NKAIN3: variants seen among roughly 807,000 people sequenced by gnomAD.
The protein encoded by NKAIN3 is sodium/potassium-transporting ATPase subunit beta-1-interacting protein 3.
Under a neutral mutation model 30.2 loss-of-function variants are expected in NKAIN3, and 25 were observed. The ratio of observed to expected loss-of-function variants is 0.83; its 90% confidence interval spans 0.60 to 1.16. NKAIN3 has a LOEUF of 1.16. Ranked by LOEUF, NKAIN3 falls within the 50% of genes most tolerant of loss-of-function variation. The pLI is 0.00. For synonymous variants in NKAIN3, 91 were observed against 89.6 expected (o/e 1.02, Z -0.09); for missense variants, 225 against 254.1 (o/e 0.89, Z 0.78).
chr8:62,654,091 C>T (rs546589623), intron 3 of NKAIN3, among the ~76,000 whole-genome samples: 46 of 151,932 alleles, frequency 3.0e-4, no homozygotes, highest in African/African-American at 1.0e-3. Flanking sequence ...GTCTAGGGGA[C>T]TCCTATCACT....
chr8:62,450,141 T>C (rs1044831653), intron 1 of NKAIN3, among the ~76,000 whole-genome samples: 5 of 152,182 alleles, frequency 3.3e-5, no homozygotes, highest in Non-Finnish European at 5.9e-5. Flanking sequence ...ATCAAAATTA[T>C]GTGAGAATGA....
intron 5 of NKAIN3, among the ~76,000 whole-genome samples, chr8:62,944,286 C>G (rs1823061970): frequency 1.3e-5 from 2 of 152,020 alleles, no homozygotes; most frequent in Admixed American, 1.3e-4. Flanking sequence ...ATGGCATACT[C>G]TGTTAATTAC....
At chr8:62,885,623 C>T (rs1821124051) in intron 4 of NKAIN3, among the ~76,000 whole-genome samples, 1 of 152,116 alleles carries the variant, frequency 6.6e-6, no homozygotes, top group Non-Finnish European at 1.5e-5. Context: ...TTTCTCTTTG[C>T]TCTTCTATCA....
intron 4 of NKAIN3, among the ~76,000 whole-genome samples, chr8:62,803,503 C>G (rs1818151372): frequency 6.6e-6 from 1 of 152,086 alleles, no homozygotes; most frequent in Non-Finnish European, 1.5e-5. Flanking sequence ...AAAACCTGCT[C>G]CTGAATGACT....
chr8:62,404,211 G>A (rs1342255684), intron 1 of NKAIN3, among the ~76,000 whole-genome samples: 2 of 152,192 alleles, frequency 1.3e-5, no homozygotes, highest in Non-Finnish European at 2.9e-5. Context: ...CTCAAATGCA[G>A]AAGGAACTTG....
intron 1 of NKAIN3, among the ~76,000 whole-genome samples, chr8:62,443,609 C>A (rs1805397675): frequency 6.6e-6 from 1 of 152,046 alleles, no homozygotes; most frequent in Non-Finnish European, 1.5e-5. Flanking sequence ...TCTTGAACTC[C>A]TGGCCTCAAG....
chr8:62,972,400 T>G lies in NKAIN3; in HGVS notation c.*6993T>G, dbSNP rs1247036969. Among the ~76,000 whole-genome samples, 1 of 152,156 alleles carries G rather than the reference T, an allele frequency of 6.6e-6. No individual in the cohort carries two copies. ...GGGGGGCAAAATATGACTTTTTATT[T>G]TTATTTTTAACCACCAGATTGAGTA... is the stretch of plus-strand genomic sequence containing the variant. On this transcript the variant is annotated 3_prime_UTR_variant, in exon 7 of 7. Coordinates refer to ENST00000623646, the MANE Select transcript of NKAIN3 (RefSeq NM_001304533.3).
intron 4 of NKAIN3, chr8:62,855,638 G>A: frequency 6.2e-7 from 1 of 1,604,194 alleles, no homozygotes; most frequent in Non-Finnish European, 8.5e-7. Flanking sequence ...CAAGGCCAAG[G>A]CCTCCAGGTT....
At chr8:62,365,554 T>A (rs1447040892) in intron 1 of NKAIN3, among the ~76,000 whole-genome samples, 3 of 152,216 alleles carry the variant, frequency 2.0e-5, no homozygotes, top group Non-Finnish European at 4.4e-5. Context: ...ACATTTATGT[T>A]GTTTCTAATT....
chr8:62,492,850 A>G (rs1310646375), intron 1 of NKAIN3, among the ~76,000 whole-genome samples: 2 of 152,078 alleles, frequency 1.3e-5, no homozygotes, highest in Non-Finnish European at 2.9e-5. Context: ...TTCTTTCCAC[A>G]ATGGTTGAAC....
intron 1 of NKAIN3, among the ~76,000 whole-genome samples, chr8:62,435,478 A>C (rs1805140818): frequency 6.6e-6 from 1 of 152,172 alleles, no homozygotes; most frequent in Non-Finnish European, 1.5e-5. Flanking sequence ...ACTTAAGTAG[A>C]TATACGAAGC....
intron 3 of NKAIN3, among the ~76,000 whole-genome samples, chr8:62,646,575 T>C (rs542725545): frequency 1.4e-4 from 21 of 152,296 alleles, no homozygotes; most frequent in African/African-American, 4.8e-4. Context: ...AACCACTGTA[T>C]TTATCCACTT....
Position 62,412,321 on chromosome 8 carries a change from A to C in NKAIN3, c.54+163194A>C, listed in dbSNP as rs1034254100. Among the ~76,000 whole-genome samples, 10 of 151,490 alleles carry C rather than the reference A, an allele frequency of 6.6e-5. No individual in the cohort carries two copies. In the East Asian group the frequency reaches 1.2e-3, roughly 18 times the overall value. The stretch of plus-strand genomic sequence containing the variant: ...TGACAAACAAAAACAAACAAACAAA[A>C]AAAAACAGTGGGGAAAGGTCTTCCT... On this transcript the variant is annotated intron_variant, in intron 1 of 6. Coordinates refer to ENST00000623646, the MANE Select transcript of NKAIN3 (RefSeq NM_001304533.3).
chr8:62,530,869 T>G (rs1181427187), intron 1 of NKAIN3, among the ~76,000 whole-genome samples: 1 of 152,074 alleles, frequency 6.6e-6, no homozygotes, highest in Non-Finnish European at 1.5e-5. Context: ...GGTCTTGAAC[T>G]CCCGACCTCA....
At chr8:62,510,680 G>A (rs934890114) in intron 1 of NKAIN3, among the ~76,000 whole-genome samples, 3 of 152,126 alleles carry the variant, frequency 2.0e-5, no homozygotes, top group African/African-American at 7.2e-5. Context: ...AAAGATTGAG[G>A]AGGAGGTGGA....
chr8:62,773,400 C>T (rs987441396), intron 4 of NKAIN3, among the ~76,000 whole-genome samples: 6 of 152,034 alleles, frequency 3.9e-5, no homozygotes, highest in African/African-American at 1.2e-4. Flanking sequence ...TTCTCTATTC[C>T]GTTCCATTGA....
intron 1 of NKAIN3, among the ~76,000 whole-genome samples, chr8:62,419,849 C>T (rs1585788645): frequency 6.6e-6 from 1 of 152,092 alleles, no homozygotes; most frequent in South Asian, 2.1e-4. Flanking sequence ...CCCATAGGTC[C>T]AACCACAAAG....
rs1221792135 is a variant in NKAIN3, at chr8:62,294,612, A to C, written c.54+45485A>C. On this transcript the variant is annotated intron_variant, in intron 1 of 6. Coordinates refer to ENST00000623646, the MANE Select transcript of NKAIN3 (RefSeq NM_001304533.3). ...ACCCAGATAGGTGTGCAGTGACAAG[A>C]TCATGGTTCACTTTCAGACTCAACC... Among the ~76,000 whole-genome samples, 3 of 152,116 alleles carry C rather than the reference A, an allele frequency of 2.0e-5. No homozygotes were observed. In the East Asian group the frequency reaches 5.8e-4, roughly 29 times the overall value.
At chr8:62,627,353 A>G (rs1478615189) in intron 3 of NKAIN3, among the ~76,000 whole-genome samples, 1 of 152,134 alleles carries the variant, frequency 6.6e-6, no homozygotes, top group Non-Finnish European at 1.5e-5. Context: ...GGGAGGGTCT[A>G]AGTGCTTATT....
Sources: gnomAD v4.1 joint callset for allele counts (sites outside exome capture counted in the v4.1 genomes callset) on GRCh38, gnomAD v4.1.1 for gene constraint, MANE v1.5 for transcripts, NCBI Gene and HGNC (gene_info 2026-07-23, HGNC 2026-07-21) for gene names.